Variants in PEAK1 observed in about 807,000 individuals in gnomAD.
The protein encoded by PEAK1 is pseudopodium enriched atypical kinase 1, also known as inactive tyrosine-protein kinase PEAK1.
A neutral mutation model predicts 124.7 loss-of-function variants in PEAK1; 54 were observed. The observed-to-expected ratio is 0.43, with a 90% CI of 0.35 to 0.54. PEAK1 has a LOEUF of 0.54. Among genes scored for constraint, PEAK1 ranks in the 20% least tolerant of loss-of-function variants. The pLI is 0.01. For synonymous variants in PEAK1, 719 were observed against 760.0 expected, an observed-to-expected ratio of 0.95 and a Z score of 0.89; for missense variants, 2,046 against 2,134.5, an observed-to-expected ratio of 0.96 and a Z score of 0.82.
intron 2 of PEAK1, among the ~76,000 whole-genome samples, chr15:77,342,542 G>A (rs2066610385): frequency 6.6e-6 from 1 of 151,756 alleles, no homozygotes; most frequent in Non-Finnish European, 1.5e-5. Context: ...AGTAGTTGGG[G>A]CTACAGGCAG....
At chr15:77,355,759 T>C in intron 2 of PEAK1, 14 of 985,152 alleles carry the variant, frequency 1.4e-5, no homozygotes, top group Middle Eastern at 5.2e-4. Flanking sequence ...GTAAATCAGG[T>C]CTAAGAAGGC....
intron 2 of PEAK1, among the ~76,000 whole-genome samples, chr15:77,313,652 ATG>A (rs775220459): frequency 0.015 from 1,396 of 90,566 alleles, 49 homozygotes; most frequent in East Asian, 0.13. Flanking sequence ...GTATGTATGT[ATG>A]TGTGTGTGTG....
intron 1 of PEAK1, among the ~76,000 whole-genome samples, chr15:77,376,078 A>C (rs575794290): frequency 2.6e-5 from 4 of 151,570 alleles, no homozygotes; most frequent in African/African-American, 9.6e-5. Context: ...TGATTATCAC[A>C]ATTTATTTTA....
chr15:77,231,510 T>C (rs2059908744), intron 6 of PEAK1, among the ~76,000 whole-genome samples: 1 of 152,182 alleles, frequency 6.6e-6, no homozygotes, highest in Non-Finnish European at 1.5e-5. Context: ...CTTGCAGAAT[T>C]AGGTATAACT....
At chr15:77,256,942 T>G (rs1357295266) in intron 5 of PEAK1, among the ~76,000 whole-genome samples, 75 of 150,960 alleles carry the variant, frequency 5.0e-4, no homozygotes, top group African/African-American at 1.6e-3. Flanking sequence ...TGTTCTCATT[T>G]TTCAATTCCC....
chr15:77,402,397 C>T (rs1242043911), intron 1 of PEAK1: 2 of 985,146 alleles, frequency 2.0e-6, no homozygotes, highest in South Asian at 4.7e-5. Flanking sequence ...TTATTTCATT[C>T]AATCAACATA....
intron 1 of PEAK1, among the ~76,000 whole-genome samples, chr15:77,383,110 G>A (rs139620568): frequency 5.5e-4 from 80 of 146,632 alleles, no homozygotes; most frequent in African/African-American, 1.6e-3. Flanking sequence ...TGCAACCTCC[G>A]TTGCCCGGGT....
chr15:77,400,846 CTTGT>C (rs2071317362), intron 1 of PEAK1, among the ~76,000 whole-genome samples: 1 of 152,064 alleles, frequency 6.6e-6, no homozygotes, highest in Non-Finnish European at 1.5e-5. Context: ...GAAGATTTGT[CTTGT>C]TTTTCAATAT....
chr15:77,321,949 C>T (rs1393212233), intron 2 of PEAK1, among the ~76,000 whole-genome samples: 1 of 152,180 alleles, frequency 6.6e-6, no homozygotes, highest in Non-Finnish European at 1.5e-5. Flanking sequence ...ACAGTGCAAT[C>T]AAACTAGAAC....
At chr15:77,348,320 T>G (rs2066998314) in intron 2 of PEAK1, 3 of 876,908 alleles carry the variant, frequency 3.4e-6, no homozygotes, top group African/African-American at 3.6e-5. Flanking sequence ...CCACCTACTC[T>G]TACAAGATTG....
intron 1 of PEAK1, chr15:77,401,406 C>G: frequency 2.9e-6 from 2 of 700,740 alleles, no homozygotes; most frequent in Non-Finnish European, 3.5e-6. Context: ...ATTAAGAATA[C>G]TTTTTCTTGT....
intron 7 of PEAK1, among the ~76,000 whole-genome samples, chr15:77,176,910 C>A (rs1421885287): frequency 6.6e-6 from 1 of 152,196 alleles, no homozygotes; most frequent in Non-Finnish European, 1.5e-5. Flanking sequence ...GTAACTCCAA[C>A]CATTTGCTGT....
At chr15:77,339,247 A>C (rs2066394269) in intron 2 of PEAK1, among the ~76,000 whole-genome samples, 1 of 151,514 alleles carries the variant, frequency 6.6e-6, no homozygotes, top group African/African-American at 2.4e-5. Flanking sequence ...GGTAGCTGGG[A>C]CTAAAAGCAC....
At chr15:77,145,828 C>A (rs1277184108) in intron 8 of PEAK1, among the ~76,000 whole-genome samples, 1 of 152,142 alleles carries the variant, frequency 6.6e-6, no homozygotes, top group African/African-American at 2.4e-5. Flanking sequence ...AAGAGTCCAG[C>A]CCCATGTCTA....
chr15:77,268,074 T>C (rs188118177), intron 5 of PEAK1, among the ~76,000 whole-genome samples: 2 of 152,290 alleles, frequency 1.3e-5, no homozygotes, highest in East Asian at 3.9e-4. Context: ...TGCAATGGAA[T>C]GCCTCAGAAA....
intron 2 of PEAK1, among the ~76,000 whole-genome samples, chr15:77,298,064 C>CAA (rs771222323): frequency 0.022 from 695 of 31,546 alleles, 179 homozygotes; most frequent in African/African-American, 0.024. Context: ...GACTCCGTCT[C>CAA]AAAAAAAAAA....
At position 77,408,529 on chromosome 15, in the gene PEAK1, G is replaced by A. The variant is rs925394269; in HGVS notation, c.-666+11477C>T. Among the ~76,000 whole-genome samples, 96 of 150,962 alleles carry A rather than the reference G, an allele frequency of 6.4e-4. 1 individual carries two copies. Among genetic ancestry groups the A allele is most frequent in the African/African-American group, 2.3e-3 (95 of 41,192 alleles). On this transcript the variant is annotated intron_variant, in intron 1 of 9. Transcript: ENST00000682557. The stretch of plus-strand genomic sequence containing the variant: ...CACCACCTGTTCCCTGAAAACCTAT[G>A]AAATAAAAATTTAAAAAAAAAAACA...
intron 9 of PEAK1, among the ~76,000 whole-genome samples, chr15:77,120,457 T>C (rs1337711888): frequency 6.6e-6 from 1 of 152,236 alleles, no homozygotes; most frequent in East Asian, 1.9e-4. Context: ...AATGGCTTTG[T>C]TACCTGGATG....
chr15:77,325,699 C>A (rs932579285), intron 2 of PEAK1, among the ~76,000 whole-genome samples: 38 of 152,106 alleles, frequency 2.5e-4, no homozygotes, highest in African/African-American at 8.7e-4. Context: ...TTTAGTTTCT[C>A]TTAATAATAT....
Sources: allele counts gnomAD v4.1 joint callset (sites outside exome capture counted in the v4.1 genomes callset), GRCh38; gene constraint gnomAD v4.1.1; transcripts MANE v1.5; gene names NCBI Gene and HGNC (gene_info 2026-07-23, HGNC 2026-07-21).